RTN1: variants seen among roughly 807,000 people sequenced by gnomAD.
The protein encoded by RTN1 is reticulon 1.
RTN1 carries 25 observed loss-of-function variants against 65.5 expected under a neutral mutation model. The ratio of observed to expected loss-of-function variants is 0.38; its 90% CI spans 0.28 to 0.53. The LOEUF (loss-of-function observed/expected upper bound fraction) is 0.53, where lower values mean the gene tolerates loss of function less well. Ranked by LOEUF, RTN1 falls within the 20% of genes least tolerant of loss-of-function variation. The probability of loss-of-function intolerance (pLI) is 0.79; values close to 1 mark genes in which losing one functional copy is unlikely to be tolerated. For missense variants in RTN1, 983 were observed against 1,025.4 expected (o/e 0.96, Z 0.57); for synonymous variants, 471 against 447.6 (o/e 1.05, Z -0.66).
chr14:59,669,137 T>C (rs1439942422), intron 3 of RTN1, among the ~76,000 whole-genome samples: 1 of 152,132 alleles, frequency 6.6e-6, no homozygotes. Context: ...ATCATGCTGC[T>C]ACAAAGTCAT....
chr14:59,722,182 C>T (rs1382906427), intron 3 of RTN1, among the ~76,000 whole-genome samples: 1 of 152,136 alleles, frequency 6.6e-6, no homozygotes, highest in Admixed American at 6.5e-5. Flanking sequence ...AATGACATCA[C>T]TTCATTTGCT....
At position 59,630,925 on chromosome 14, in the gene RTN1, G is replaced by A. The variant is rs984983856; in HGVS notation, c.1766-23433C>T. 1.0e-5 allele frequency: 8 copies of A among 795,576 alleles called. No individual in the cohort carries two copies. In the African/African-American group the frequency reaches 1.5e-4, roughly 15 times the overall value. The allele number at this position is 795,576 out of a possible 1,614,324, so 49.3% of individuals were successfully genotyped here. On this transcript the variant is annotated intron_variant, in intron 3 of 8. Transcript: ENST00000267484. ...ACTTGGGCTGTTCCTGGGAGTTCTT[G>A]ACTCCCAGAATATGCGAGGTGCATA...
intron 3 of RTN1, among the ~76,000 whole-genome samples, chr14:59,711,634 C>G (rs1884420076): frequency 6.6e-6 from 1 of 152,200 alleles, no homozygotes. Flanking sequence ...TAAGACCCCA[C>G]TACTCACTAG....
intron 3 of RTN1, among the ~76,000 whole-genome samples, chr14:59,641,538 T>C (rs545703014): frequency 2.8e-4 from 43 of 152,128 alleles, no homozygotes; most frequent in African/African-American, 1.0e-3. Flanking sequence ...CACAGCTAAT[T>C]TTTTGTATTT....
intron 1 of RTN1, among the ~76,000 whole-genome samples, chr14:59,796,306 T>C (rs9671280): frequency 0.16 from 24,131 of 152,110 alleles, 2,362 homozygotes; most frequent in African/African-American, 0.27. Context: ...GTATACTCTA[T>C]GATGCTCACA....
chr14:59,854,225 T>G (rs1220818358), intron 1 of RTN1, among the ~76,000 whole-genome samples: 1 of 152,178 alleles, frequency 6.6e-6, no homozygotes, highest in Non-Finnish European at 1.5e-5. Flanking sequence ...GATTCTCAAG[T>G]TCTGTCAACT....
At chr14:59,673,895 A>T (rs996843600) in intron 3 of RTN1, among the ~76,000 whole-genome samples, 6 of 152,174 alleles carry the variant, frequency 3.9e-5, no homozygotes, top group African/African-American at 1.4e-4. Flanking sequence ...CAAAATTGTA[A>T]TACAATATTA....
chr14:59,648,671 A>G (rs1291005276), intron 3 of RTN1, among the ~76,000 whole-genome samples: 22 of 152,244 alleles, frequency 1.4e-4, no homozygotes, highest in Admixed American at 1.4e-3. Context: ...ACATAAACAG[A>G]ACTAAAGACA....
At chr14:59,709,884 A>G (rs1258828593) in intron 3 of RTN1, among the ~76,000 whole-genome samples, 2 of 152,114 alleles carry the variant, frequency 1.3e-5, no homozygotes, top group Non-Finnish European at 2.9e-5. Flanking sequence ...TACTACTTCA[A>G]ATATTCCTAA....
At chr14:59,770,734 G>T (rs937180723) in intron 1 of RTN1, among the ~76,000 whole-genome samples, 1 of 152,026 alleles carries the variant, frequency 6.6e-6, no homozygotes, top group Non-Finnish European at 1.5e-5. Flanking sequence ...TTCCCTGAAG[G>T]CTTTACTAAC....
At chr14:59,839,225 T>C (rs1887267593) in intron 1 of RTN1, among the ~76,000 whole-genome samples, 1 of 152,170 alleles carries the variant, frequency 6.6e-6, no homozygotes, top group Non-Finnish European at 1.5e-5. Context: ...TCCTAACAAA[T>C]ATATGCAGAT....
At chr14:59,755,353 A>AT (rs921621821) in intron 1 of RTN1, among the ~76,000 whole-genome samples, 5 of 152,090 alleles carry the variant, frequency 3.3e-5, no homozygotes, top group Middle Eastern at 3.4e-3. Flanking sequence ...TAAATTGAGA[A>AT]TTTTTTTTTA....
At chr14:59,711,801 A>T (rs887405259) in intron 3 of RTN1, among the ~76,000 whole-genome samples, 4 of 152,224 alleles carry the variant, frequency 2.6e-5, no homozygotes, top group African/African-American at 9.6e-5. Flanking sequence ...AAGACAAGAG[A>T]TCATTGTGAA....
intron 1 of RTN1, among the ~76,000 whole-genome samples, chr14:59,806,117 T>C (rs187557251): frequency 6.6e-6 from 1 of 151,970 alleles, no homozygotes; most frequent in Non-Finnish European, 1.5e-5. Flanking sequence ...GTGCCTGTAG[T>C]CCCAGCTACT....
At chr14:59,810,994 G>A (rs1886718544) in intron 1 of RTN1, among the ~76,000 whole-genome samples, 1 of 152,138 alleles carries the variant, frequency 6.6e-6, no homozygotes, top group Non-Finnish European at 1.5e-5. Context: ...TTGTGGTGCA[G>A]GAAGAAATAT....
intron 3 of RTN1, among the ~76,000 whole-genome samples, chr14:59,679,013 G>T (rs148026291): frequency 7.3e-4 from 111 of 152,262 alleles, no homozygotes; most frequent in African/African-American, 2.6e-3. Context: ...ATTTCAAAAA[G>T]CAAGGGATAG....
At chr14:59,628,870 GA>G (rs1187209758) in intron 3 of RTN1, among the ~76,000 whole-genome samples, 1 of 152,108 alleles carries the variant, frequency 6.6e-6, no homozygotes, top group Non-Finnish European at 1.5e-5. Context: ...TATACAAATA[GA>G]AAAGAAAACC....
At chr14:59,761,369 T>A (rs1483375048) in intron 1 of RTN1, among the ~76,000 whole-genome samples, 2 of 152,162 alleles carry the variant, frequency 1.3e-5, no homozygotes, top group East Asian at 1.9e-4. Context: ...TCTCATGAGA[T>A]CTGATGGTTT....
At chr14:59,788,613 G>A (rs553032422) in intron 1 of RTN1, among the ~76,000 whole-genome samples, 12 of 152,104 alleles carry the variant, frequency 7.9e-5, no homozygotes, top group South Asian at 4.2e-4. Context: ...TCATGTATCC[G>A]ATTGTTTTTA....
Sources: allele counts gnomAD v4.1 joint callset (sites outside exome capture counted in the v4.1 genomes callset), GRCh38; gene constraint gnomAD v4.1.1; transcripts MANE v1.5; gene names NCBI Gene and HGNC (gene_info 2026-07-23, HGNC 2026-07-21).